Variants in APCS observed in about 807,000 individuals in gnomAD.
APCS encodes the protein serum amyloid P-component.
In APCS, 2 loss-of-function variants were observed where a neutral mutation model predicts 2.5. The ratio of observed to expected loss-of-function variants is 0.80; its 90% CI spans 0.33 to 2.53. The LOEUF is 2.53. APCS is among the 30% of genes most tolerant of loss of function. The pLI is 0.11. For synonymous variants in APCS, 109 were observed against 102.5 expected, an observed-to-expected ratio of 1.06 and a Z score of -0.39; for missense variants, 302 against 258.9, an observed-to-expected ratio of 1.17 and a Z score of -1.14.
Position 159,588,186 on chromosome 1 carries a change from G to C in APCS, c.150G>C (p.Gln50His), listed in dbSNP as rs1464582529. 1 of 1,614,106 alleles carries C rather than the reference G, an allele frequency of 6.2e-7. No homozygotes were observed. Among genetic ancestry groups the C allele is most frequent in the Admixed American group, 1.7e-5 (1 of 60,008 alleles). The change falls in exon 2 of 2, where the codon CAG (glutamine) becomes CAC (histidine). Residue 50 changes from glutamine (Q) to histidine (H), a missense_variant. Coordinates refer to ENST00000255040, the MANE Select transcript of APCS (RefSeq NM_001639.4). ...TCACACCGCTGGAGAAGCCTCTACA[G>C]AACTTTACCTTGTGTTTTCGAGCCT... is the stretch of plus-strand genomic sequence containing the variant. ...NLITPLEKPL[Q>H]NFTLCFRAYS...
rs377631985 is a variant in APCS at position 159,588,149 on chromosome 1, A to G, written c.113A>G (p.His38Arg). The G allele has an allele frequency of 6.2e-7, 1 of 1,613,938 alleles. No homozygotes were observed. Among genetic ancestry groups the G allele is most frequent in the Admixed American group, 1.7e-5 (1 of 60,012 alleles). The change falls in exon 2 of 2, where the codon CAT (histidine) becomes CGT (arginine). Residue 38 changes from histidine to arginine, a missense_variant. By Grantham distance (29) the His-to-Arg change is conservative (BLOSUM62 0). Transcript: ENST00000255040. ...TTTCCTAGAGAATCTGTTACTGATC[A>G]TGTAAACTTGATCACACCGCTGGAG... ...FVFPRESVTD[H>R]VNLITPLEKP...
intron 1 of APCS, 34 bp from the exon 2 acceptor site, chr1:159,588,067 T>C: frequency 6.2e-7 from 1 of 1,613,412 alleles, no homozygotes; most frequent in South Asian, 1.1e-5. Context: ...GCATTTATAC[T>C]GAAGGTCATT....
chr1:159,588,215 G>A lies in APCS; in HGVS notation c.179G>A (p.Ser60Asn), dbSNP rs983599155. 1 of 1,614,186 alleles carries A rather than the reference G, an allele frequency of 6.2e-7. No individual in the cohort carries two copies. ...QNFTLCFRAY[S>N]DLSRAYSLFS... is the part of the protein sequence containing the mutation. ...TTTACCTTGTGTTTTCGAGCCTATA[G>A]TGATCTCTCTCGTGCCTACAGCCTC... The change falls in exon 2 of 2, where the codon AGT becomes AAT. Residue 60 changes from serine to asparagine, a missense_variant. Coordinates refer to ENST00000255040, the MANE Select transcript of APCS (RefSeq NM_001639.4).
At position 159,588,761 on chromosome 1, in the gene APCS, G is replaced by T. The variant is rs1193776864; in HGVS notation, c.*53G>T. 2 of 1,527,908 alleles carry T rather than the reference G, an allele frequency of 1.3e-6. No individual in the cohort carries two copies. Among genetic ancestry groups the T allele is most frequent in the South Asian group, 1.2e-5 (1 of 80,264 alleles). 94.6% of individuals were successfully genotyped at this position (1,527,908 alleles called of 1,614,324 possible). On this transcript the variant is annotated 3_prime_UTR_variant, in exon 2 of 2. Transcript: ENST00000255040. Reference sequence around the variant, plus strand: ...AATGAAATGACTGTCTAAGAGATCTGGTCAAAGCAACTGGATACTAGATCT... The same window carrying T: ...AATGAAATGACTGTCTAAGAGATCTTGTCAAAGCAACTGGATACTAGATCT...
chr1:159,587,858 A>G lies in APCS; in HGVS notation c.-64A>G. On this transcript the variant is annotated 5_prime_UTR_variant, in exon 1 of 2. Coordinates refer to ENST00000255040, the MANE Select transcript of APCS (RefSeq NM_001639.4). Reference sequence around the variant, plus strand: ...AATATCAGACGCTAGGGGGACAGCCACTGTGTTGTCTGCTACCCTCATCCT... The same window carrying G: ...AATATCAGACGCTAGGGGGACAGCCGCTGTGTTGTCTGCTACCCTCATCCT... The G allele has an allele frequency of 4.6e-6, 7 of 1,526,318 alleles. No homozygotes were observed. The highest frequency in any genetic ancestry group is 6.4e-6 in the Non-Finnish European group (7 of 1,102,046). 94.5% of individuals were successfully genotyped at this position (1,526,318 alleles called of 1,614,324 possible). A position where few individuals can be genotyped will look rare whatever the true frequency, so the allele number is the denominator to read the frequency against.
At position 159,588,354 on chromosome 1, in the gene APCS, G is replaced by T. The variant is rs749901363; in HGVS notation, c.318G>T (p.Lys106Asn). Reference protein sequence around the residue: ...RHKVTSKVIEKFPAPVHICVS... With the variant: ...RHKVTSKVIENFPAPVHICVS... The stretch of plus-strand genomic sequence containing the variant: ...AAGTTACATCCAAAGTTATCGAAAA[G>T]TTCCCGGCTCCAGTGCACATCTGTG... Residue 106 changes from lysine (K) to asparagine (N), a missense_variant, in exon 2 of 2, where the codon AAG (lysine) becomes AAT (asparagine). Coordinates refer to ENST00000255040, the MANE Select transcript of APCS (RefSeq NM_001639.4). The T allele has an allele frequency of 6.2e-7, 1 of 1,614,142 alleles. No individual in the cohort carries two copies. The highest frequency in any genetic ancestry group is 1.1e-5 in the South Asian group (1 of 91,080).
In APCS at chr1:159,588,598, A is replaced by G; in HGVS notation, c.562A>G (p.Ile188Val). ...GGACTCTGTGCTGCCCCCAGAAAATATCCTGTCTGCCTATCAGGGTACCCC... is the reference window on the plus strand; with the variant it reads ...GGACTCTGTGCTGCCCCCAGAAAATGTCCTGTCTGCCTATCAGGGTACCCC... ...MWDSVLPPEN[I>V]LSAYQGTPLP... Residue 188 changes from isoleucine to valine, a missense_variant, in exon 2 of 2, where the codon ATC becomes GTC. Transcript: ENST00000255040. The G allele has an allele frequency of 6.2e-7, 1 of 1,613,880 alleles. No individual in the cohort carries two copies. The highest frequency in any genetic ancestry group is 2.2e-5 in the East Asian group (1 of 44,872).
Position 159,587,891 on chromosome 1 carries a change from G to A in APCS, c.-31G>A, listed in dbSNP as rs746907835. The A allele has an allele frequency of 2.5e-6, 4 of 1,607,920 alleles. No homozygotes were observed. Among genetic ancestry groups the A allele is most frequent in the Non-Finnish European group, 1.7e-6 (2 of 1,175,500 alleles). ...GTCTGCTACCCTCATCCTGGTCACT[G>A]CTTCTGCTATAACAGCCCTAGGCCA... On this transcript the variant is annotated 5_prime_UTR_variant, in exon 1 of 2. Transcript: ENST00000255040.
In APCS at chr1:159,588,384, C is replaced by G. The variant is rs1041530915; in HGVS notation, c.348C>G (p.Ser116Arg). The G allele has an allele frequency of 6.2e-6, 10 of 1,613,962 alleles. No homozygotes were observed. The African/African-American group carries it at 1.3e-4, about 22-fold the overall frequency. Residue 116 changes from serine (S) to arginine (R), a missense_variant, in exon 2 of 2, where the codon AGC becomes AGG. Transcript: ENST00000255040. ...CGGCTCCAGTGCACATCTGTGTGAG[C>G]TGGGAGTCCTCATCAGGTATTGCTG... ...KFPAPVHICV[S>R]WESSSGIAEF...
chr1:159,588,083 T>C lies in APCS; in HGVS notation c.65-18T>C, dbSNP rs200993550. 48 of 1,613,146 alleles carry C rather than the reference T, an allele frequency of 3.0e-5. No homozygotes were observed. The highest frequency in any genetic ancestry group is 1.7e-5 in the Non-Finnish European group (20 of 1,179,412). On this transcript the variant is annotated intron_variant, in intron 1 of 1. Coordinates refer to ENST00000255040, the MANE Select transcript of APCS (RefSeq NM_001639.4). ...CATTTATACTGAAGGTCATTATCTT[T>C]CTTTCTTTATCCCGCAGACCTCAGT...
Position 159,588,496 on chromosome 1 carries a change from C to A in APCS, c.460C>A (p.Gln154Lys). 1 of 1,613,862 alleles carries A rather than the reference C, an allele frequency of 6.2e-7. No homozygotes were observed. The highest frequency in any genetic ancestry group is 8.5e-7 in the Non-Finnish European group (1 of 1,179,884). Residue 154 changes from glutamine (Q) to lysine (K), a missense_variant, in exon 2 of 2, where the codon CAG (glutamine) becomes AAG (lysine). Physicochemically the swap from Gln to Lys is moderately conservative, Grantham distance 53 (BLOSUM62 1). Transcript: ENST00000255040. ...AGCTCAGCCCAAGATTGTCCTGGGG[C>A]AGGAACAGGATTCCTATGGGGGCAA... ...VEAQPKIVLGQEQDSYGGKFD... is the reference protein window; with the variant it reads ...VEAQPKIVLGKEQDSYGGKFD...
In APCS at chr1:159,587,943, ATCTCTG is replaced by A. The variant is rs764444754; in HGVS notation, c.25_30del (p.Ser9_Val10del). On this transcript the variant is annotated inframe_deletion, in exon 1 of 2. Transcript: ENST00000255040. ...GAATATGAACAAGCCGCTGCTTTGG[ATCTCTG>A]TCCTCACCAGCCTCCTGGAAGCCTT... 2.5e-6 allele frequency: 4 copies of A among 1,613,992 alleles called. No homozygotes were observed. In the East Asian group the frequency reaches 8.9e-5, roughly 36 times the overall value.
rs200416065 is a variant in APCS at position 159,588,297 on chromosome 1, T to C, written c.261T>C (p.Val87=). 1 of 1,614,044 alleles carries C rather than the reference T, an allele frequency of 6.2e-7. No homozygotes were observed. Among genetic ancestry groups the C allele is most frequent in the Non-Finnish European group, 8.5e-7 (1 of 1,179,962 alleles). ...DNELLVYKER[V]GEYSLYIGRH... ...AGCTACTAGTTTATAAAGAAAGAGT[T>C]GGAGAGTATAGTCTATACATTGGAA... The change falls in exon 2 of 2, where the codon GTT becomes GTC. Residue 87 remains valine, a synonymous_variant. Coordinates refer to ENST00000255040, the MANE Select transcript of APCS (RefSeq NM_001639.4).
intron 1 of APCS, 25 bp from the exon 2 acceptor site, chr1:159,588,076 T>C (rs748832145): frequency 3.1e-6 from 5 of 1,613,086 alleles, no homozygotes; most frequent in South Asian, 1.1e-5. Context: ...CTGAAGGTCA[T>C]TATCTTTCTT....
chr1:159,588,582 G>A lies in APCS; in HGVS notation c.546G>A (p.Val182=). 3 of 1,613,866 alleles carry A rather than the reference G, an allele frequency of 1.9e-6. No homozygotes were observed. Among genetic ancestry groups the A allele is most frequent in the Non-Finnish European group, 2.5e-6 (3 of 1,179,976 alleles). ...GGGATTTGTACATGTGGGACTCTGT[G>A]CTGCCCCCAGAAAATATCCTGTCTG... ...EIGDLYMWDS[V]LPPENILSAY... Residue 182 remains valine (V), a synonymous_variant, in exon 2 of 2, where the codon GTG becomes GTA. Transcript: ENST00000255040.
Position 159,588,629 on chromosome 1 carries a change from C to G in APCS, c.593C>G (p.Pro198Arg). 1 of 1,613,844 alleles carries G rather than the reference C, an allele frequency of 6.2e-7. No individual in the cohort carries two copies. Among genetic ancestry groups the G allele is most frequent in the Non-Finnish European group, 8.5e-7 (1 of 1,179,950 alleles). ...ILSAYQGTPLPANILDWQALN... is the reference protein window; with the variant it reads ...ILSAYQGTPLRANILDWQALN... ...TCTGCCTATCAGGGTACCCCTCTCCCTGCCAATATCCTGGACTGGCAGGCT... is the reference window on the plus strand; with the variant it reads ...TCTGCCTATCAGGGTACCCCTCTCCGTGCCAATATCCTGGACTGGCAGGCT... Residue 198 changes from proline to arginine, a missense_variant, in exon 2 of 2, where the codon CCT becomes CGT. Physicochemically the swap from Pro to Arg is moderately radical, Grantham distance 103. Coordinates refer to ENST00000255040, the MANE Select transcript of APCS (RefSeq NM_001639.4).
At chr1:159,588,039 C>A (rs1658799674) in intron 1 of APCS, 54 bp downstream of exon 1, 2 of 1,612,844 alleles carry the variant, frequency 1.2e-6, no homozygotes, top group African/African-American at 1.3e-5. Context: ...TAGGTTGAAG[C>A]TGAGATATCT....
Position 159,588,296 on chromosome 1 carries a change from T to C in APCS, c.260T>C (p.Val87Ala), listed in dbSNP as rs1403386422. The stretch of plus-strand genomic sequence containing the variant: ...GAGCTACTAGTTTATAAAGAAAGAG[T>C]TGGAGAGTATAGTCTATACATTGGA... ...DNELLVYKER[V>A]GEYSLYIGRH... Residue 87 changes from valine (V) to alanine (A), a missense_variant, in exon 2 of 2, where the codon GTT becomes GCT. Coordinates refer to ENST00000255040, the MANE Select transcript of APCS (RefSeq NM_001639.4). 2.2e-5 allele frequency: 35 copies of C among 1,613,578 alleles called. No homozygotes were observed. Among genetic ancestry groups the C allele is most frequent in the Middle Eastern group, 3.3e-4 (2 of 6,084 alleles).
chr1:159,588,072 G>A (rs1417691569), intron 1 of APCS, 29 bp from the exon 2 acceptor site: 1 of 1,613,136 alleles, frequency 6.2e-7, no homozygotes, highest in Non-Finnish European at 8.5e-7. Flanking sequence ...TATACTGAAG[G>A]TCATTATCTT....
Sources: gnomAD v4.1 joint callset for allele counts on GRCh38, gnomAD v4.1.1 for gene constraint, MANE v1.5 for transcripts, NCBI Gene and HGNC (gene_info 2026-07-23, HGNC 2026-07-21) for gene names.